HCRTR2: variants seen among roughly 807,000 people sequenced by gnomAD.
HCRTR2 encodes orexin receptor type 2.
A neutral mutation model predicts 49.0 loss-of-function variants in HCRTR2; 22 were observed. The ratio of observed to expected loss-of-function variants is 0.45; its 90% CI spans 0.32 to 0.64. The LOEUF is 0.64. Ranked by LOEUF, HCRTR2 falls within the 30% of genes least tolerant of loss-of-function variation. The pLI, the probability that HCRTR2 is intolerant of heterozygous loss-of-function variation, is 0.04. For synonymous variants in HCRTR2, 236 were observed against 205.3 expected (o/e 1.15, Z -1.28); for missense variants, 491 against 559.4 (o/e 0.88, Z 1.23).
intron 1 of HCRTR2, among the ~76,000 whole-genome samples, chr6:55,221,552 G>A (rs893016316): frequency 3.9e-5 from 6 of 152,104 alleles, no homozygotes; most frequent in Admixed American, 2.0e-4. Flanking sequence ...GGTGGCTCAC[G>A]CCTGTAATCC....
At chr6:55,183,861 T>C (rs62418311) in intron 1 of HCRTR2, among the ~76,000 whole-genome samples, 51,961 of 151,774 alleles carry the variant, frequency 0.34, 9,188 homozygotes, top group Middle Eastern at 0.42. Flanking sequence ...AAAGAATACA[T>C]ATTGGAAAAA....
intron 1 of HCRTR2, among the ~76,000 whole-genome samples, chr6:55,186,169 T>A (rs1472621467): frequency 6.6e-6 from 1 of 152,250 alleles, no homozygotes; most frequent in Non-Finnish European, 1.5e-5. Context: ...TTTGCCAATG[T>A]ATCCTCAGTG....
intron 1 of HCRTR2, among the ~76,000 whole-genome samples, chr6:55,112,020 TAAAC>T (rs1390419470): frequency 6.6e-6 from 1 of 151,952 alleles, no homozygotes; most frequent in Non-Finnish European, 1.5e-5. Context: ...ATGCACCACA[TAAAC>T]AGAATTAAAG....
At chr6:55,283,305 G>A (rs9367630), downstream of HCRTR2, among the ~76,000 whole-genome samples, 5,585 of 152,238 alleles carry the variant, frequency 0.037, 663 homozygotes, top group East Asian at 0.3. Context: ...GTCTAGTGAG[G>A]GAGACATGTT....
At chr6:55,275,801 G>C (rs1767066946) in intron 4 of HCRTR2, among the ~76,000 whole-genome samples, 1 of 151,902 alleles carries the variant, frequency 6.6e-6, no homozygotes, top group African/African-American at 2.4e-5. Context: ...GTAGAGGCGG[G>C]GTTTCTTCAT....
chr6:55,233,532 C>G (rs1399843258), intron 1 of HCRTR2, among the ~76,000 whole-genome samples: 1 of 152,028 alleles, frequency 6.6e-6, no homozygotes. Flanking sequence ...TTTACAAAAA[C>G]AAAAATAAAA....
intron 3 of HCRTR2, among the ~76,000 whole-genome samples, chr6:55,255,734 T>G (rs1766640721): frequency 6.6e-6 from 1 of 152,136 alleles, no homozygotes; most frequent in Admixed American, 6.6e-5. Context: ...TGATCCACGA[T>G]TTATAAGATG....
intron 3 of HCRTR2, among the ~76,000 whole-genome samples, chr6:55,261,726 TA>T (rs1766760279): frequency 6.6e-6 from 1 of 152,094 alleles, no homozygotes; most frequent in Non-Finnish European, 1.5e-5. Context: ...GGAGATTCCT[TA>T]AAGAACTAAA....
intron 1 of HCRTR2, among the ~76,000 whole-genome samples, chr6:55,137,519 T>C (rs184767750): frequency 6.6e-6 from 1 of 152,316 alleles, no homozygotes; most frequent in African/African-American, 2.4e-5. Context: ...CTGTGAAGTA[T>C]TGTGATACTT....
intron 1 of HCRTR2, among the ~76,000 whole-genome samples, chr6:55,202,725 A>G (rs770729481): frequency 1.3e-5 from 2 of 149,392 alleles, no homozygotes; most frequent in Non-Finnish European, 3.0e-5. Context: ...GCCCACTTCC[A>G]AAGACCATCA....
At chr6:55,160,592 T>C (rs1307419074) in intron 1 of HCRTR2, among the ~76,000 whole-genome samples, 2 of 152,036 alleles carry the variant, frequency 1.3e-5, no homozygotes, top group Admixed American at 6.6e-5. Flanking sequence ...AGGAGTCCAA[T>C]TCATGTGCAA....
intron 2 of HCRTR2, among the ~76,000 whole-genome samples, chr6:55,254,599 C>T (rs1477659786): frequency 6.6e-6 from 1 of 152,046 alleles, no homozygotes; most frequent in Non-Finnish European, 1.5e-5. Context: ...TGAAAATGCA[C>T]TGATGTACAA....
At chr6:55,129,098 A>G (rs1764319804) in intron 1 of HCRTR2, among the ~76,000 whole-genome samples, 1 of 152,136 alleles carries the variant, frequency 6.6e-6, no homozygotes, top group South Asian at 2.1e-4. Flanking sequence ...AGTTCCCTAG[A>G]AAACAGTCTT....
At chr6:55,233,173 C>T (rs1766148329) in intron 1 of HCRTR2, among the ~76,000 whole-genome samples, 1 of 151,732 alleles carries the variant, frequency 6.6e-6, no homozygotes, top group Non-Finnish European at 1.5e-5. Flanking sequence ...ACTGCAATCT[C>T]CGCCTCTCGG....
chr6:55,115,185 T>A (rs1186226162), intron 1 of HCRTR2, among the ~76,000 whole-genome samples: 1 of 151,846 alleles, frequency 6.6e-6, no homozygotes, highest in African/African-American at 2.4e-5. Flanking sequence ...ATCTTTCATT[T>A]ATCCATGTAT....
chr6:55,222,774 T>C (rs1008582405), intron 1 of HCRTR2, among the ~76,000 whole-genome samples: 1 of 152,150 alleles, frequency 6.6e-6, no homozygotes, highest in South Asian at 2.1e-4. Context: ...TGCCAGGTCC[T>C]GGGAGTAAGA....
intron 3 of HCRTR2, 75 bp downstream of exon 3, chr6:55,255,454 G>A: frequency 6.6e-7 from 1 of 1,512,930 alleles, no homozygotes; most frequent in Non-Finnish European, 9.2e-7. Context: ...CATAGCCATT[G>A]TAAAGCTGGG....
chr6:55,263,221 G>A (rs1380945218), intron 3 of HCRTR2, among the ~76,000 whole-genome samples: 2 of 151,888 alleles, frequency 1.3e-5, no homozygotes, highest in Admixed American at 1.3e-4. Flanking sequence ...ACTGAGAATA[G>A]CCTCCCATTT....
rs201276202 is a variant in HCRTR2, at chr6:55,174,572, C to A, written c.-16C>A. ...AGGAGCTTGCAGCATTGAGCGGAAC[C>A]GGACTTGAGCCCGTGATGTCCGGCA... On this transcript the variant is annotated 5_prime_UTR_variant, in exon 1 of 7. Coordinates refer to ENST00000370862, the MANE Select transcript of HCRTR2 (RefSeq NM_001384272.1). The A allele has an allele frequency of 1.9e-5, 30 of 1,606,918 alleles. No homozygotes were observed. The highest frequency in any genetic ancestry group is 2.2e-5 in the Non-Finnish European group (26 of 1,173,584).
Sources: allele counts gnomAD v4.1 joint callset (sites outside exome capture counted in the v4.1 genomes callset), GRCh38; gene constraint gnomAD v4.1.1; transcripts MANE v1.5; gene names NCBI Gene and HGNC (gene_info 2026-07-23, HGNC 2026-07-21).